INSL6: variants seen among roughly 807,000 people sequenced by gnomAD.
The protein encoded by INSL6 is insulin-like peptide INSL6.
In INSL6, 16 loss-of-function variants were observed where a neutral mutation model predicts 9.4. The observed-to-expected ratio is 1.70, with a 90% CI of 1.15 to 2.59. The LOEUF is 2.59. INSL6 is among the 30% of genes most tolerant of loss of function. The probability of loss-of-function intolerance (pLI) is 0.00; values close to 1 mark genes in which losing one functional copy is unlikely to be tolerated. For missense variants in INSL6, 391 were observed against 257.3 expected (o/e 1.52, Z -3.56); for synonymous variants, 154 against 96.9 (o/e 1.59, Z -3.46).
chr9:5,156,398 C>G (rs914706121), intron 2 of INSL6, among the ~76,000 whole-genome samples: 3 of 152,172 alleles, frequency 2.0e-5, no homozygotes, highest in African/African-American at 7.2e-5. Context: ...ATGAATATCT[C>G]TATGGCTATT....
At chr9:4,996,813 T>G in the INSL6 span, among the ~76,000 whole-genome samples, 5 of 152,254 alleles carry the variant, frequency 3.3e-5, no homozygotes, top group African/African-American at 1.2e-4. Flanking sequence ...ATACCTCCAT[T>G]GTAGTAAGTT....
At chr9:4,993,657 G>A in the INSL6 span, among the ~76,000 whole-genome samples, 1 of 152,192 alleles carries the variant, frequency 6.6e-6, no homozygotes, top group African/African-American at 2.4e-5. Context: ...CTCACTGACA[G>A]TCTCCTTGAG....
downstream of INSL6, among the ~76,000 whole-genome samples, chr9:5,123,422 G>A (rs1474782046): frequency 6.6e-6 from 1 of 151,724 alleles, no homozygotes; most frequent in Non-Finnish European, 1.5e-5. Flanking sequence ...TCTTTCTATG[G>A]CTGATTTGTT....
chr9:5,136,080 G>A (rs758401486), intron 2 of INSL6, among the ~76,000 whole-genome samples: 31 of 152,064 alleles, frequency 2.0e-4, no homozygotes, highest in Non-Finnish European at 4.0e-4. Flanking sequence ...CCAGAAAGAA[G>A]TCAAATCCCT....
In INSL6 at chr9:5,185,389, C is replaced by A; in HGVS notation, c.214G>T (p.Val72Phe). The A allele has an allele frequency of 3.7e-6, 6 of 1,614,170 alleles. No homozygotes were observed. The highest frequency in any genetic ancestry group is 5.1e-6 in the Non-Finnish European group (6 of 1,180,024). Residue 72 changes from valine (V) to phenylalanine (F), a missense_variant, in exon 1 of 2, where the codon GTC becomes TTC. Coordinates refer to ENST00000381641, the MANE Select transcript of INSL6 (RefSeq NM_007179.3). Reference sequence around the variant, plus strand: ...AACTGGTATGGGCTGTAGGCTTCGACCTTCTCCGAGGCCTGTGCAATCAAC... The same window carrying A: ...AACTGGTATGGGCTGTAGGCTTCGAACTTCTCCGAGGCCTGTGCAATCAAC... ...SRLIAQASEK[V>F]EAYSPYQFES...
chr9:5,054,433 G>A, the INSL6 span: 33 of 671,778 alleles, frequency 4.9e-5, no homozygotes, highest in Non-Finnish European at 7.4e-5. The surrounding 1 kb of genome is among the most constrained non-coding windows in gnomAD (Gnocchi z 4.9). Context: ...GTCAACTTAC[G>A]CCACTTGGCC....
chr9:5,177,355 C>T (rs1190558799), intron 1 of INSL6, among the ~76,000 whole-genome samples: 1 of 152,152 alleles, frequency 6.6e-6, no homozygotes, highest in Admixed American at 6.5e-5. Context: ...TCACATTTCT[C>T]CCAGAGATCT....
chr9:5,014,519 T>A, the INSL6 span, among the ~76,000 whole-genome samples: 10 of 152,240 alleles, frequency 6.6e-5, no homozygotes, highest in East Asian at 1.9e-3. Flanking sequence ...TAATCTAATC[T>A]ATGGTGGGAA....
the INSL6 span, among the ~76,000 whole-genome samples, chr9:5,032,433 C>T: frequency 3.3e-5 from 5 of 152,230 alleles, no homozygotes; most frequent in African/African-American, 4.8e-5. Flanking sequence ...GATCTGAGAA[C>T]GGACAGACTG....
chr9:5,011,494 T>A, the INSL6 span, among the ~76,000 whole-genome samples: 2 of 152,202 alleles, frequency 1.3e-5, no homozygotes, highest in African/African-American at 4.8e-5. Flanking sequence ...CTGGCCTAGA[T>A]TTCTTGATAT....
the INSL6 span, among the ~76,000 whole-genome samples, chr9:5,047,680 C>A: frequency 6.6e-6 from 1 of 152,144 alleles, no homozygotes; most frequent in Non-Finnish European, 1.5e-5. Flanking sequence ...AGATTGAACT[C>A]CTGGGCTCCA....
chr9:5,034,596 A>G, the INSL6 span, among the ~76,000 whole-genome samples: 1 of 151,908 alleles, frequency 6.6e-6, no homozygotes, highest in Non-Finnish European at 1.5e-5. Flanking sequence ...ACTCAAAACC[A>G]CTCAACTACA....
intron 2 of INSL6, among the ~76,000 whole-genome samples, chr9:5,138,466 G>A (rs1824427802): frequency 6.6e-6 from 1 of 152,124 alleles, no homozygotes; most frequent in Non-Finnish European, 1.5e-5. Context: ...ATCATTCTCA[G>A]CAAACTAACA....
rs1824049119 is a variant in INSL6, at chr9:5,127,109, AATT to A, written c.*11-2601_*11-2599del. ...AACTCAGCTTTTTGAGACCTGAAAA[AATT>A]ATTATGTAAATTTTGCAATGTTAAA... On this transcript the variant is annotated intron_variant, in intron 3 of 3. Coordinates refer to the INSL6 transcript ENST00000649639. The A allele has an allele frequency of 8.6e-5, 23 of 268,346 alleles. 1 individual carries two copies. The South Asian group carries it at 2.1e-3, about 25-fold the overall frequency. 16.6% of individuals were successfully genotyped at this position (268,346 alleles called of 1,614,324 possible). A position where few individuals can be genotyped will look rare whatever the true frequency, so the allele number is the denominator to read the frequency against.
At chr9:5,176,215 C>G (rs12340333) in intron 1 of INSL6, among the ~76,000 whole-genome samples, 55,400 of 152,022 alleles carry the variant, frequency 0.36, 11,045 homozygotes, top group African/African-American at 0.55. Flanking sequence ...CCTTTCTCCA[C>G]ATATCCACTT....
At chr9:5,121,463 A>G (rs889225804), downstream of INSL6, among the ~76,000 whole-genome samples, 2 of 152,206 alleles carry the variant, frequency 1.3e-5, no homozygotes, top group African/African-American at 4.8e-5. Flanking sequence ...TACACTTTTC[A>G]TATCTTCATG....
chr9:5,181,277 G>C (rs1443515812), intron 1 of INSL6, among the ~76,000 whole-genome samples: 1 of 152,136 alleles, frequency 6.6e-6, no homozygotes, highest in Non-Finnish European at 1.5e-5. Context: ...TGTCCTGCCA[G>C]ATAAATGACA....
intron 2 of INSL6, among the ~76,000 whole-genome samples, chr9:5,152,786 C>T (rs760953311): frequency 6.6e-6 from 1 of 152,186 alleles, no homozygotes; most frequent in African/African-American, 2.4e-5. Flanking sequence ...CAGCTCCAGT[C>T]GGCAGCTACC....
intron 3 of INSL6, chr9:5,127,219 G>A (rs1824055991): frequency 4.3e-6 from 1 of 233,286 alleles, no homozygotes; most frequent in African/African-American, 2.2e-5. Flanking sequence ...TTACACACAT[G>A]AGGGCTGGTG....
Sources: gnomAD v4.1 joint callset for allele counts (sites outside exome capture counted in the v4.1 genomes callset) on GRCh38, gnomAD v4.1.1 for gene constraint, Gnocchi (gnomAD v3.1) non-coding constraint, MANE v1.5 for transcripts, NCBI Gene and HGNC (gene_info 2026-07-23, HGNC 2026-07-21) for gene names.